Variants in NDUFB6 observed in about 807,000 individuals in gnomAD.
The protein encoded by NDUFB6 is NADH:ubiquinone oxidoreductase subunit B6, also known as NADH dehydrogenase [ubiquinone] 1 beta subcomplex subunit 6.
NDUFB6 carries 23 observed loss-of-function variants against 17.5 expected under a neutral mutation model. The ratio of observed to expected loss-of-function variants is 1.31; its 90% confidence interval spans 0.94 to 1.86. The LOEUF (loss-of-function observed/expected upper bound fraction) is 1.86. Among genes scored for constraint, NDUFB6 ranks in the 40% most tolerant of loss-of-function variants. The pLI is 0.00. For missense variants in NDUFB6, 167 were observed against 153.8 expected (o/e 1.09, Z -0.46); for synonymous variants, 60 against 53.5 (o/e 1.12, Z -0.53).
At chr9:32,568,737 T>G (rs947510976) in intron 2 of NDUFB6, 1 of 118,242 alleles carries the variant, frequency 8.5e-6, no homozygotes, top group African/African-American at 3.7e-5. Context: ...TGTGCATATA[T>G]ATATATATAT....
intron 2 of NDUFB6, chr9:32,567,074 T>G: frequency 2.0e-6 from 1 of 488,042 alleles, no homozygotes; most frequent in African/African-American, 2.0e-5. Context: ...CATGCCAAAC[T>G]TCCTCGGGCT....
At chr9:32,563,491 C>CTTTTTTTTTTTTTTTCTTTTTTTTTTTTT (rs111646430) in intron 2 of NDUFB6, among the ~76,000 whole-genome samples, 1 of 92,004 alleles carries the variant, frequency 1.1e-5, no homozygotes, top group Non-Finnish European at 2.2e-5. Flanking sequence ...GACTATTGGG[C>CTTTTTTTTTTTTTTTCTTTTTTTTTTTTT]TTTTTTTTTT....
intron 2 of NDUFB6, among the ~76,000 whole-genome samples, chr9:32,565,150 A>C (rs1821744187): frequency 6.6e-6 from 1 of 152,090 alleles, no homozygotes; most frequent in South Asian, 2.1e-4. Context: ...AAAATTAGTC[A>C]GCCATGGTGG....
intron 2 of NDUFB6, among the ~76,000 whole-genome samples, chr9:32,563,491 C>CTGTTTTTTTTTTT (rs1554673972): frequency 1.1e-5 from 1 of 92,004 alleles, no homozygotes; most frequent in Non-Finnish European, 2.2e-5. Context: ...GACTATTGGG[C>CTGTTTTTTTTTTT]TTTTTTTTTT....
In NDUFB6 at chr9:32,556,976, C is replaced by G. The variant is rs559042748; in HGVS notation, c.318+1934G>C. On this transcript the variant is annotated intron_variant, in intron 3 of 3. Coordinates refer to ENST00000379847, the MANE Select transcript of NDUFB6 (RefSeq NM_002493.5). ...AGGCAATTCTTGTGCCTCAGCCTCC[C>G]CGGTAGCTAGGATTACAGGCGTGCA... Among the ~76,000 whole-genome samples the G allele has an allele frequency of 5.4e-4, 80 of 148,710 alleles. 1 individual carries two copies. The highest frequency in any genetic ancestry group is 2.0e-3 in the African/African-American group (79 of 40,362).
chr9:32,558,494 C>A (rs995821110), intron 3 of NDUFB6, among the ~76,000 whole-genome samples: 1 of 152,158 alleles, frequency 6.6e-6, no homozygotes, highest in Non-Finnish European at 1.5e-5. Context: ...AAATGAGGTA[C>A]AAAGCCATAG....
At chr9:32,556,646 T>A (rs146702333) in intron 3 of NDUFB6, among the ~76,000 whole-genome samples, 1 of 152,206 alleles carries the variant, frequency 6.6e-6, no homozygotes, top group Non-Finnish European at 1.5e-5. Flanking sequence ...ATCCCTGATA[T>A]GGTCTTCTGA....
intron 3 of NDUFB6, among the ~76,000 whole-genome samples, chr9:32,555,324 C>G (rs139222439): frequency 1.3e-5 from 2 of 152,136 alleles, no homozygotes; most frequent in Non-Finnish European, 2.9e-5. Flanking sequence ...TAAGTTAACA[C>G]AAGAAATCTG....
intron 2 of NDUFB6, among the ~76,000 whole-genome samples, chr9:32,569,664 C>A (rs1821895894): frequency 6.6e-6 from 1 of 151,820 alleles, no homozygotes; most frequent in African/African-American, 2.4e-5. Flanking sequence ...TAGGTGTGGA[C>A]CACTACATCC....
rs147394211 is a variant in NDUFB6, at chr9:32,555,321, A to G, written c.319-1377T>C. Among the ~76,000 whole-genome samples the G allele has an allele frequency of 2.9e-3, 440 of 152,362 alleles. 3 individuals are homozygous for G. The highest frequency in any genetic ancestry group is 9.4e-3 in the African/African-American group (389 of 41,590). ...TTCAGAATTCCTAAACAATAAGTTA[A>G]CACAAGAAATCTGAGCAACAGAAGC... On this transcript the variant is annotated intron_variant, in intron 3 of 3. Transcript: ENST00000379847.
chr9:32,559,692 G>T (rs938437376), intron 2 of NDUFB6, among the ~76,000 whole-genome samples: 1 of 152,024 alleles, frequency 6.6e-6, no homozygotes, highest in Non-Finnish European at 1.5e-5. Flanking sequence ...TCCTCAGAGA[G>T]GCCTAATTAA....
At chr9:32,558,252 C>G (rs546068085) in intron 3 of NDUFB6, among the ~76,000 whole-genome samples, 1 of 152,026 alleles carries the variant, frequency 6.6e-6, no homozygotes, top group Non-Finnish European at 1.5e-5. Flanking sequence ...GCTGGGACTA[C>G]AGGCGCCCGC....
rs1563994931 is a variant in NDUFB6, at chr9:32,563,471, G to C, written c.274-4517C>G. ...AGCGATCCTCCTGCTTCAGCCTCCT[G>C]AACAGGTGGGACTATTGGGCTTTTT... is the stretch of plus-strand genomic sequence containing the variant. On this transcript the variant is annotated intron_variant, in intron 2 of 3. Transcript: ENST00000379847. Among the ~76,000 whole-genome samples the C allele has an allele frequency of 3.2e-5, 4 of 125,486 alleles. No homozygotes were observed. In the South Asian group the frequency reaches 1.1e-3, roughly 33 times the overall value. 82.3% of individuals were successfully genotyped at this position (125,486 alleles called of 152,430 possible). A position where few individuals can be genotyped will look rare whatever the true frequency, so the allele number is the denominator to read the frequency against.
chr9:32,568,747 T>TATAA (rs1821874515), intron 2 of NDUFB6: 1 of 123,422 alleles, frequency 8.1e-6, no homozygotes, highest in Non-Finnish European at 1.7e-5. Context: ...TATATATATA[T>TATAA]ATTTTTTTTT....
At chr9:32,558,116 C>CCTTTTTTTT (rs1563992291) in intron 3 of NDUFB6, among the ~76,000 whole-genome samples, 1 of 86,556 alleles carries the variant, frequency 1.2e-5, no homozygotes, top group Non-Finnish European at 2.9e-5. Context: ...TCATAGTATA[C>CCTTTTTTTT]ATTTTTTTTT....
intron 2 of NDUFB6, among the ~76,000 whole-genome samples, chr9:32,562,453 C>A (rs183446481): frequency 2.0e-4 from 31 of 152,234 alleles, no homozygotes; most frequent in African/African-American, 7.5e-4. Flanking sequence ...GAAAACCCCC[C>A]AAAATTTTGG....
chr9:32,559,717 T>A (rs1821574381), intron 2 of NDUFB6, among the ~76,000 whole-genome samples: 1 of 152,166 alleles, frequency 6.6e-6, no homozygotes, highest in Admixed American at 6.5e-5. Flanking sequence ...GCAAGCCTTA[T>A]CATTCTCTAG....
chr9:32,566,502 C>T (rs1196566395), intron 2 of NDUFB6: 18 of 779,198 alleles, frequency 2.3e-5, no homozygotes, highest in Middle Eastern at 2.3e-4. Context: ...ACTAGCCTTC[C>T]GGTGTGCAGA....
chr9:32,561,934 T>C (rs909377955), intron 2 of NDUFB6, among the ~76,000 whole-genome samples: 2 of 152,222 alleles, frequency 1.3e-5, no homozygotes, highest in African/African-American at 4.8e-5. Flanking sequence ...TCCATTTCAA[T>C]GTTTTTCTTT....
Sources: allele counts gnomAD v4.1 joint callset (sites outside exome capture counted in the v4.1 genomes callset), GRCh38; gene constraint gnomAD v4.1.1; transcripts MANE v1.5; gene names NCBI Gene and HGNC (gene_info 2026-07-23, HGNC 2026-07-21).